Variants in CNBD2 observed in about 807,000 individuals in gnomAD.
CNBD2 encodes the protein cyclic nucleotide binding domain containing 2.
CNBD2 carries 64 observed loss-of-function variants against 63.7 expected under a neutral mutation model. The observed-to-expected ratio is 1.00, with a 90% CI of 0.82 to 1.24. CNBD2 has a LOEUF of 1.24. Among genes scored for constraint, CNBD2 ranks in the 50% most tolerant of loss-of-function variants. The probability of loss-of-function intolerance (pLI) is 0.00; values close to 1 mark genes in which losing one functional copy is unlikely to be tolerated. For synonymous variants in CNBD2, 229 were observed against 255.4 expected (o/e 0.90, Z 0.99); for missense variants, 691 against 713.5 (o/e 0.97, Z 0.36).
intron 8 of CNBD2, among the ~76,000 whole-genome samples, chr20:36,007,252 C>A (rs1173358428): frequency 6.6e-6 from 1 of 151,988 alleles, no homozygotes; most frequent in African/African-American, 2.4e-5. Context: ...TTTCTGGCTT[C>A]TTTTACTTAG....
intron 8 of CNBD2, among the ~76,000 whole-genome samples, chr20:36,005,230 C>G (rs2056968453): frequency 6.6e-6 from 1 of 152,170 alleles, no homozygotes. Context: ...AATTTTTTCA[C>G]AGATGGGGGC....
chr20:36,027,455 A>G (rs747362097), intron 11 of CNBD2, among the ~76,000 whole-genome samples: 2 of 152,212 alleles, frequency 1.3e-5, no homozygotes, highest in Non-Finnish European at 2.9e-5. Context: ...AGTATTTTTT[A>G]AAGTATGAAC....
intron 10 of CNBD2, among the ~76,000 whole-genome samples, chr20:36,012,155 C>G (rs2057070288): frequency 6.6e-6 from 1 of 152,120 alleles, no homozygotes; most frequent in Admixed American, 6.6e-5. Flanking sequence ...CAAAAATTAG[C>G]CAGGCATGGT....
rs116246080 is a variant in CNBD2, at chr20:36,026,536, A to G, written c.1439+2765A>G. The stretch of plus-strand genomic sequence containing the variant: ...AAAGTCCAAACTCAATGCTACCTCA[A>G]TGACCCACCACAGTCTGACACCCCA... On this transcript the variant is annotated intron_variant, in intron 11 of 11. Coordinates refer to ENST00000373973, the MANE Select transcript of CNBD2 (RefSeq NM_001365709.1). Among the ~76,000 whole-genome samples, 271 of 152,104 alleles carry G rather than the reference A, an allele frequency of 1.8e-3. 1 individual carries two copies. The highest frequency in any genetic ancestry group is 6.5e-3 in the African/African-American group (268 of 41,520).
intron 1 of CNBD2, among the ~76,000 whole-genome samples, chr20:35,969,790 A>G (rs2056387123): frequency 6.6e-6 from 1 of 152,204 alleles, no homozygotes; most frequent in South Asian, 2.1e-4. Context: ...ATCCCCTTGT[A>G]CATGTATGTT....
At chr20:36,005,290 A>G (rs1601077797) in intron 8 of CNBD2, among the ~76,000 whole-genome samples, 2 of 152,218 alleles carry the variant, frequency 1.3e-5, no homozygotes. Flanking sequence ...ATCATCAGGC[A>G]TTAGATGGAG....
chr20:35,960,777 TCTTCCA>T (rs1403189809), intron 2 of CNBD2, among the ~76,000 whole-genome samples: 1 of 79,966 alleles, frequency 1.3e-5, no homozygotes, highest in Non-Finnish European at 2.3e-5. Context: ...TCTTCCCTTC[TCTTCCA>T]TTCTCTTCCC....
chr20:35,966,791 G>A (rs904051788), upstream of CNBD2, among the ~76,000 whole-genome samples: 6 of 152,104 alleles, frequency 3.9e-5, no homozygotes, highest in Non-Finnish European at 8.8e-5. Flanking sequence ...GAAGCCTCCC[G>A]CTGTAACAAA....
Position 35,987,540 on chromosome 20 carries a change from AG to A in CNBD2, c.855+8del. On this transcript the variant is annotated splice_region_variant and intron_variant, in intron 7 of 11. Transcript: ENST00000373973. ...CATCATGTTTATCAGCAAGGTGAAA[AG>A]TCTGGGGGTTGGGATGAGGGTGAAC... is the stretch of plus-strand genomic sequence containing the variant. 2 of 1,614,054 alleles carry A rather than the reference AG, an allele frequency of 1.2e-6. No individual in the cohort carries two copies. Among genetic ancestry groups the A allele is most frequent in the Non-Finnish European group, 1.7e-6 (2 of 1,179,980 alleles).
chr20:36,004,793 C>A (rs986117017), intron 8 of CNBD2, among the ~76,000 whole-genome samples: 3 of 151,984 alleles, frequency 2.0e-5, no homozygotes, highest in Non-Finnish European at 4.4e-5. Context: ...GAACTCCTGG[C>A]CTCAAGGGAT....
intron 11 of CNBD2, among the ~76,000 whole-genome samples, chr20:36,026,435 T>C (rs2057284037): frequency 1.3e-5 from 2 of 152,096 alleles, no homozygotes; most frequent in African/African-American, 2.4e-5. Context: ...CACACTGTGT[T>C]CTTGTTAAAA....
At chr20:36,003,885 A>AAG (rs1329372389) in intron 8 of CNBD2, among the ~76,000 whole-genome samples, 1 of 151,866 alleles carries the variant, frequency 6.6e-6, no homozygotes, top group Non-Finnish European at 1.5e-5. Flanking sequence ...AAAAAAAAAA[A>AAG]AAAATCTCTT....
rs780412384 is a variant in CNBD2 at position 36,023,610 on chromosome 20, C to G, written c.1278C>G (p.His426Gln). The G allele has an allele frequency of 3.8e-6, 6 of 1,599,036 alleles. No homozygotes were observed. In the South Asian group the frequency reaches 5.6e-5, roughly 15 times the overall value. Reference protein sequence around the residue: ...TVEQGEILGLHQAFLPEGECD... With the variant: ...TVEQGEILGLQQAFLPEGECD... ...CTGTGACTTCTCCCGAGGGTCTTCA[C>G]CAGGCCTTCCTTCCAGAGGGTGAAT... The change falls in exon 11 of 12, where the codon CAC (histidine) becomes CAG (glutamine). Residue 426 changes from histidine to glutamine, a missense_variant. Coordinates refer to ENST00000373973, the MANE Select transcript of CNBD2 (RefSeq NM_001365709.1).
intron 10 of CNBD2, among the ~76,000 whole-genome samples, chr20:36,017,626 C>T (rs1317191045): frequency 6.6e-6 from 1 of 152,196 alleles, no homozygotes; most frequent in African/African-American, 2.4e-5. Flanking sequence ...AGAAGAAATC[C>T]ACTTCCTTAG....
Position 36,030,383 on chromosome 20 carries a change from T to C in CNBD2, c.1466T>C (p.Leu489Pro). The C allele has an allele frequency of 4.3e-6, 7 of 1,614,138 alleles. No individual in the cohort carries two copies. Among genetic ancestry groups the C allele is most frequent in the Non-Finnish European group, 5.9e-6 (7 of 1,180,022 alleles). The change falls in exon 12 of 12, where the codon CTC becomes CCC. Residue 489 changes from leucine to proline, a missense_variant. Transcript: ENST00000373973. Reference protein sequence around the residue: ...PSDEDMCQKFLQQNSWNIFRK... With the variant: ...PSDEDMCQKFPQQNSWNIFRK... ...GATGAAGATATGTGCCAGAAGTTCCTCCAGCAGAACAGCTGGAATATCTTT... is the reference window on the plus strand; with the variant it reads ...GATGAAGATATGTGCCAGAAGTTCCCCCAGCAGAACAGCTGGAATATCTTT...
At chr20:35,975,522 G>C (rs112761942) in intron 2 of CNBD2, among the ~76,000 whole-genome samples, 5 of 148,986 alleles carry the variant, frequency 3.4e-5, no homozygotes, top group East Asian at 3.9e-4. Context: ...GGATGGTCTC[G>C]ATCTCCTGAC....
upstream of CNBD2, among the ~76,000 whole-genome samples, chr20:35,967,428 T>G (rs986270663): frequency 5.9e-5 from 9 of 151,316 alleles, no homozygotes; most frequent in African/African-American, 2.2e-4. Context: ...TTTTTTGTAT[T>G]TTTAGTAGGG....
intron 10 of CNBD2, among the ~76,000 whole-genome samples, chr20:36,014,452 C>A (rs911841882): frequency 2.0e-5 from 3 of 150,294 alleles, no homozygotes; most frequent in Admixed American, 1.3e-4. Flanking sequence ...GCCTCTGCCT[C>A]CTGAGTAGCT....
intron 4 of CNBD2, among the ~76,000 whole-genome samples, chr20:35,981,194 T>C (rs1226131413): frequency 6.6e-6 from 1 of 152,152 alleles, no homozygotes; most frequent in Non-Finnish European, 1.5e-5. Context: ...TCTGACTTGA[T>C]TGTGGCTTGC....
Sources: allele counts gnomAD v4.1 joint callset (sites outside exome capture counted in the v4.1 genomes callset), GRCh38; gene constraint gnomAD v4.1.1; transcripts MANE v1.5; gene names NCBI Gene and HGNC (gene_info 2026-07-23, HGNC 2026-07-21).